Variants in UNC79 observed in about 807,000 individuals in gnomAD.
UNC79 encodes the protein protein unc-79 homolog.
Under a neutral mutation model 283.1 loss-of-function variants are expected in UNC79, and 37 were observed. That is an observed-to-expected ratio of 0.13 (90% CI 0.10 to 0.17). The LOEUF is 0.17. UNC79 is among the 10% of genes least tolerant of loss of function. The probability of loss-of-function intolerance (pLI) is 1.00; values close to 1 mark genes in which losing one functional copy is unlikely to be tolerated. For missense variants in UNC79, 2,272 were observed against 3,211.1 expected, an observed-to-expected ratio of 0.71 and a Z score of 7.07; for synonymous variants, 1,107 against 1,200.2, an observed-to-expected ratio of 0.92 and a Z score of 1.61.
intron 22 of UNC79, among the ~76,000 whole-genome samples, chr14:93,590,737 G>A (rs1430701684): frequency 6.6e-6 from 1 of 152,188 alleles, no homozygotes; most frequent in African/African-American, 2.4e-5. Context: ...TTCCAAACAA[G>A]TCTGCCCTCG....
intron 14 of UNC79, among the ~76,000 whole-genome samples, chr14:93,554,620 G>A (rs1455693550): frequency 6.6e-6 from 1 of 152,112 alleles, no homozygotes; most frequent in Non-Finnish European, 1.5e-5. Context: ...TTCTGGCCCT[G>A]TGTTAGCAAG....
chr14:93,535,678 C>A (rs776331608), intron 11 of UNC79, among the ~76,000 whole-genome samples: 1 of 152,130 alleles, frequency 6.6e-6, no homozygotes, highest in African/African-American at 2.4e-5. Flanking sequence ...GCTAAGCCAG[C>A]GCCATTGACT....
intron 1 of UNC79, among the ~76,000 whole-genome samples, chr14:93,390,747 A>G (rs1251335723): frequency 6.6e-6 from 1 of 152,202 alleles, no homozygotes; most frequent in East Asian, 1.9e-4. Flanking sequence ...GAATAAATCT[A>G]TGAAAAGATA....
chr14:93,653,325 A>G (rs2070519556), intron 35 of UNC79, among the ~76,000 whole-genome samples: 1 of 148,486 alleles, frequency 6.7e-6, no homozygotes, highest in South Asian at 2.1e-4. Context: ...CTCACTGCAT[A>G]TATATATATA....
intron 30 of UNC79, among the ~76,000 whole-genome samples, chr14:93,623,060 G>C (rs1387985637): frequency 6.6e-6 from 1 of 152,174 alleles, no homozygotes; most frequent in African/African-American, 2.4e-5. Flanking sequence ...TGTTTTTGTT[G>C]TTTTAAACTC....
exon 36 of UNC79, chr14:93,653,770 G>T: frequency 6.2e-7 from 1 of 1,613,320 alleles, no homozygotes; most frequent in South Asian, 1.1e-5. Flanking sequence ...TGCGGCGGGG[G>T]TGGCCAAGCA....
chr14:93,660,563 ATGTGTGTGTGTG>A (rs1555394962), intron 39 of UNC79, among the ~76,000 whole-genome samples: 757 of 64,618 alleles, frequency 0.012, 15 homozygotes, highest in African/African-American at 0.014. Flanking sequence ...ATATATATAT[ATGTGTGTGTGTG>A]TGTGTTCATT....
rs918050277 is a variant in UNC79 at position 93,688,855 on chromosome 14, A to AT, written c.7085+17dup. ...ATGCAGCAAGGGTAAGACCCTTACT[A>AT]TTCCGGGAATGAGGGTAAAGAAGGC... On this transcript the variant is annotated intron_variant, in intron 44 of 48. Coordinates refer to ENST00000555664, the Ensembl canonical transcript of UNC79. This position sits in a 1 kb window ranked among gnomAD's most constrained non-coding sequence, Gnocchi z 4.0. The AT allele has an allele frequency of 6.2e-7, 1 of 1,608,930 alleles. No homozygotes were observed. The highest frequency in any genetic ancestry group is 8.5e-7 in the Non-Finnish European group (1 of 1,177,206).
At chr14:93,695,082 A>T (rs1362368391) in intron 47 of UNC79, among the ~76,000 whole-genome samples, 1 of 151,868 alleles carries the variant, frequency 6.6e-6, no homozygotes, top group Non-Finnish European at 1.5e-5. Context: ...TTGGTTTCCC[A>T]CTCCGTTTAT....
At chr14:93,666,582 A>C (rs1460247840) in intron 40 of UNC79, among the ~76,000 whole-genome samples, 2 of 152,176 alleles carry the variant, frequency 1.3e-5, no homozygotes, top group Non-Finnish European at 2.9e-5. Context: ...AATTACACAG[A>C]GCTAATAATA....
intron 39 of UNC79, 41 bp downstream of exon 42, chr14:93,659,302 GT>G (rs770770975): frequency 2.8e-5 from 42 of 1,522,256 alleles, no homozygotes; most frequent in Admixed American, 7.3e-5. Flanking sequence ...TGGTTAGTCA[GT>G]TTTTTTTAAC....
intron 30 of UNC79, 58 bp from the exon 33 acceptor site, chr14:93,630,743 G>C: frequency 7.3e-7 from 1 of 1,374,150 alleles, no homozygotes; most frequent in Non-Finnish European, 1.0e-6. Flanking sequence ...TATAGAAAAG[G>C]TTCTTGAACT....
rs980267623 is a variant in UNC79 at position 93,688,995 on chromosome 14, G to T, written c.7085+155G>T. ...TGGAAATCAGATCCCATCTCCTTACGTACTTGCTGACCCAGAATGCTCTTT... is the reference window on the plus strand; with the variant it reads ...TGGAAATCAGATCCCATCTCCTTACTTACTTGCTGACCCAGAATGCTCTTT... On this transcript the variant is annotated intron_variant, in intron 44 of 48. Transcript: ENST00000555664. This position sits in a 1 kb window ranked among gnomAD's most constrained non-coding sequence, Gnocchi z 4.0. The T allele has an allele frequency of 3.1e-5, 24 of 783,432 alleles. No individual in the cohort carries two copies. The highest frequency in any genetic ancestry group is 4.2e-5 in the Non-Finnish European group (23 of 550,190). The allele number at this position is 783,432 out of a possible 1,614,324, so 48.5% of individuals were successfully genotyped here. A position where few individuals can be genotyped will look rare whatever the true frequency, so the allele number is the denominator to read the frequency against.
Position 93,531,091 on chromosome 14 carries a change from T to C in UNC79, c.1094-1459T>C, listed in dbSNP as rs1386218366. On this transcript the variant is annotated intron_variant, in intron 10 of 48. Coordinates refer to ENST00000555664, the Ensembl canonical transcript of UNC79. The surrounding 1 kb of genome is among the most constrained non-coding windows in gnomAD (Gnocchi z 4.2). The stretch of plus-strand genomic sequence containing the variant: ...ATAAAATATAAGTTATAAAATCCTT[T>C]TTAAATATGTTGCTGAGTTCTGGTT... 1.3e-5 allele frequency among the ~76,000 whole-genome samples: 2 copies of C among 152,240 alleles called. No individual in the cohort carries two copies. Among genetic ancestry groups the C allele is most frequent in the African/African-American group, 2.4e-5 (1 of 41,468 alleles).
chr14:93,576,175 AC>A (rs2063465843), intron 17 of UNC79, among the ~76,000 whole-genome samples: 1 of 152,292 alleles, frequency 6.6e-6, no homozygotes. Context: ...TCATTTTACA[AC>A]TACCTAACCT....
chr14:93,577,124 TGA>T (rs537856644), intron 17 of UNC79, among the ~76,000 whole-genome samples: 269 of 151,840 alleles, frequency 1.8e-3, no homozygotes, highest in Non-Finnish European at 2.9e-3. Context: ...TGCTTGAGAG[TGA>T]GAGGTCAAGC....
At chr14:93,424,791 G>T (rs1347942399) in intron 1 of UNC79, among the ~76,000 whole-genome samples, 1 of 152,078 alleles carries the variant, frequency 6.6e-6, no homozygotes, top group East Asian at 1.9e-4. Context: ...ATAAGATCTA[G>T]TATTTGCTAG....
intron 35 of UNC79, among the ~76,000 whole-genome samples, chr14:93,650,564 A>G (rs894795324): frequency 6.6e-6 from 1 of 152,112 alleles, no homozygotes; most frequent in Non-Finnish European, 1.5e-5. Context: ...CATTTTTTCA[A>G]GTGCTCATTG....
rs551950135 is a variant in UNC79, at chr14:93,472,897, G to A, written c.144-1192G>A. Among the ~76,000 whole-genome samples the A allele has an allele frequency of 4.1e-4, 62 of 152,182 alleles. 1 individual carries two copies. The highest frequency in any genetic ancestry group is 8.5e-4 in the Admixed American group (13 of 15,292). On this transcript the variant is annotated intron_variant, in intron 2 of 48. Transcript: ENST00000555664. ...CTATATAAAAGCACTTTGCAAGTGCGCAGATATTATCATTCTAATGTATAG... is the reference window on the plus strand; with the variant it reads ...CTATATAAAAGCACTTTGCAAGTGCACAGATATTATCATTCTAATGTATAG...
Sources: gnomAD v4.1 joint callset for allele counts (sites outside exome capture counted in the v4.1 genomes callset) on GRCh38, gnomAD v4.1.1 for gene constraint, Gnocchi (gnomAD v3.1) non-coding constraint, MANE v1.5 for transcripts, NCBI Gene and HGNC (gene_info 2026-07-23, HGNC 2026-07-21) for gene names.